HS3ST5: variants seen among roughly 807,000 people sequenced by gnomAD.
HS3ST5 encodes heparan sulfate glucosamine 3-O-sulfotransferase 5.
In HS3ST5, 10 loss-of-function variants were observed where a neutral mutation model predicts 25.4. The ratio of observed to expected loss-of-function variants is 0.39; its 90% CI spans 0.24 to 0.67. The LOEUF is 0.67. HS3ST5 is among the 30% of genes least tolerant of loss of function. HS3ST5 has a pLI of 0.44. For synonymous variants in HS3ST5, 170 were observed against 162.4 expected (o/e 1.05, Z -0.36); for missense variants, 324 against 420.7 (o/e 0.77, Z 2.01).
chr6:114,227,442 A>C (rs530222204), intron 2 of HS3ST5, among the ~76,000 whole-genome samples: 6 of 151,856 alleles, frequency 4.0e-5, no homozygotes, highest in Non-Finnish European at 7.4e-5. Context: ...ATCACAATTT[A>C]AGATCTGAAT....
intron 1 of HS3ST5, among the ~76,000 whole-genome samples, chr6:114,282,887 C>A (rs535676403): frequency 6.6e-6 from 1 of 151,926 alleles, no homozygotes; most frequent in African/African-American, 2.4e-5. Context: ...AAGTTTCTCA[C>A]GTAGAAAAAA....
intron 3 of HS3ST5, among the ~76,000 whole-genome samples, chr6:114,150,746 A>G (rs1276533351): frequency 2.0e-5 from 3 of 152,162 alleles, no homozygotes; most frequent in Non-Finnish European, 1.5e-5. Flanking sequence ...TTCAGCAATT[A>G]TAATAAAATC....
chr6:114,315,049 T>C (rs1775692235), intron 1 of HS3ST5, among the ~76,000 whole-genome samples: 1 of 152,186 alleles, frequency 6.6e-6, no homozygotes, highest in Non-Finnish European at 1.5e-5. Context: ...CCACCATTTC[T>C]AGTTCCAATG....
chr6:114,224,695 T>C lies in HS3ST5; in HGVS notation c.-145+3890A>G, dbSNP rs1027928725. Reference sequence around the variant, plus strand: ...TTATACATATATATATACATATATATATATACACACACACACACACACACA... The same window carrying C: ...TTATACATATATATATACATATATACATATACACACACACACACACACACA... On this transcript the variant is annotated intron_variant, in intron 2 of 4. Coordinates refer to ENST00000312719, the MANE Select transcript of HS3ST5 (RefSeq NM_153612.4). Among the ~76,000 whole-genome samples the C allele has an allele frequency of 7.6e-5, 8 of 105,370 alleles. 1 individual carries two copies. Among genetic ancestry groups the C allele is most frequent in the Admixed American group, 4.3e-4 (4 of 9,358 alleles). The allele number at this position is 105,370 out of a possible 152,430, so 69.1% of individuals were successfully genotyped here.
At chr6:114,281,211 G>T (rs1451902990) in intron 1 of HS3ST5, among the ~76,000 whole-genome samples, 1 of 151,884 alleles carries the variant, frequency 6.6e-6, no homozygotes, top group Non-Finnish European at 1.5e-5. Context: ...CGCATCCTTA[G>T]TCCGTAGTAT....
At chr6:114,129,895 T>C (rs946257636) in intron 3 of HS3ST5, among the ~76,000 whole-genome samples, 1 of 152,200 alleles carries the variant, frequency 6.6e-6, no homozygotes, top group Admixed American at 6.5e-5. Context: ...TTTAGATCTG[T>C]GATAAAGCTG....
intron 1 of HS3ST5, among the ~76,000 whole-genome samples, chr6:114,272,006 G>A (rs1221694966): frequency 6.6e-6 from 1 of 152,084 alleles, no homozygotes; most frequent in Non-Finnish European, 1.5e-5. Flanking sequence ...GGATGACACT[G>A]GTGAGCCACT....
rs373513173 is a variant in HS3ST5, at chr6:114,099,455, C to A, written c.-32-36578G>T. On this transcript the variant is annotated intron_variant, in intron 3 of 4. Coordinates refer to ENST00000312719, the MANE Select transcript of HS3ST5 (RefSeq NM_153612.4). ...CTATTCCCTAAGGTCTATTTCAGAT[C>A]ATTGTTTTTCCTTTAATCTGGAGCA... is the stretch of plus-strand genomic sequence containing the variant. Among the ~76,000 whole-genome samples, 18 of 152,214 alleles carry A rather than the reference C, an allele frequency of 1.2e-4. No homozygotes were observed. In the East Asian group the frequency reaches 2.1e-3, roughly 18 times the overall value.
intron 1 of HS3ST5, among the ~76,000 whole-genome samples, chr6:114,280,779 C>T (rs530047242): frequency 9.2e-5 from 14 of 152,050 alleles, no homozygotes; most frequent in South Asian, 4.1e-4. Flanking sequence ...TGCTTATTCA[C>T]GATTCAGCAT....
At chr6:114,200,114 G>C (rs1780944723) in intron 2 of HS3ST5, among the ~76,000 whole-genome samples, 1 of 152,206 alleles carries the variant, frequency 6.6e-6, no homozygotes, top group Non-Finnish European at 1.5e-5. Context: ...CTACTTGGGA[G>C]GCTGAGGCAG....
chr6:114,069,692 T>C (rs534344404), intron 3 of HS3ST5, among the ~76,000 whole-genome samples: 1 of 152,132 alleles, frequency 6.6e-6, no homozygotes, highest in Admixed American at 6.5e-5. Context: ...TAATTTTTTT[T>C]TTGTATTTTA....
At chr6:114,246,518 G>A (rs759994962) in intron 1 of HS3ST5, among the ~76,000 whole-genome samples, 2 of 152,180 alleles carry the variant, frequency 1.3e-5, no homozygotes, top group Non-Finnish European at 2.9e-5. Flanking sequence ...CTTGTACTCG[G>A]TTCAGCTTTA....
At chr6:114,108,588 G>A (rs900545883) in intron 3 of HS3ST5, among the ~76,000 whole-genome samples, 2 of 152,044 alleles carry the variant, frequency 1.3e-5, no homozygotes, top group Admixed American at 1.3e-4. Context: ...TACCGACAAA[G>A]CTCAACATGC....
intron 1 of HS3ST5, among the ~76,000 whole-genome samples, chr6:114,294,627 A>G (rs1313974047): frequency 6.6e-6 from 1 of 151,932 alleles, no homozygotes; most frequent in Non-Finnish European, 1.5e-5. Flanking sequence ...CTGTATTTTT[A>G]GTAGAGACGG....
intron 1 of HS3ST5, among the ~76,000 whole-genome samples, chr6:114,320,208 TA>T (rs1295065159): frequency 1.3e-5 from 2 of 152,130 alleles, no homozygotes; most frequent in Non-Finnish European, 2.9e-5. Context: ...TCCATTTTTC[TA>T]ATGAAACTGA....
chr6:114,080,502 C>T (rs149571275), intron 3 of HS3ST5, among the ~76,000 whole-genome samples: 5 of 152,320 alleles, frequency 3.3e-5, no homozygotes, highest in Admixed American at 2.0e-4. Context: ...TATTGCAGCA[C>T]TATTCACAAT....
At chr6:114,251,565 T>C (rs1772660245) in intron 1 of HS3ST5, 1 of 152,266 alleles carries the variant, frequency 6.6e-6, no homozygotes, top group South Asian at 2.1e-4. Flanking sequence ...CACTCCGTTC[T>C]TGTCTTTGGT....
intron 1 of HS3ST5, among the ~76,000 whole-genome samples, chr6:114,253,285 T>C (rs1772747940): frequency 6.6e-6 from 1 of 152,202 alleles, no homozygotes; most frequent in South Asian, 2.1e-4. Flanking sequence ...AAAATATTAA[T>C]AAGATATTTT....
At chr6:114,226,190 C>T (rs780551284) in intron 2 of HS3ST5, among the ~76,000 whole-genome samples, 1 of 151,906 alleles carries the variant, frequency 6.6e-6, no homozygotes, top group African/African-American at 2.4e-5. Context: ...CTTGAAAGTA[C>T]ATTGTCTTAT....
Sources: gnomAD v4.1 joint callset for allele counts (sites outside exome capture counted in the v4.1 genomes callset) on GRCh38, gnomAD v4.1.1 for gene constraint, MANE v1.5 for transcripts, NCBI Gene and HGNC (gene_info 2026-07-23, HGNC 2026-07-21) for gene names.